Variants in ORC2 observed in about 807,000 individuals in gnomAD.
The protein encoded by ORC2 is origin recognition complex protein 2 homolog.
A neutral mutation model predicts 77.7 loss-of-function variants in ORC2; 37 were observed. The ratio of observed to expected loss-of-function variants is 0.48; its 90% CI spans 0.37 to 0.63. The LOEUF is 0.63. Among genes scored for constraint, ORC2 ranks in the 20% least tolerant of loss-of-function variants. The pLI is 0.00. For missense variants in ORC2, 557 were observed against 661.9 expected (o/e 0.84, Z 1.74); for synonymous variants, 201 against 229.5 (o/e 0.88, Z 1.12).
At chr2:200,923,253 A>G (rs770864655) in intron 13 of ORC2, among the ~76,000 whole-genome samples, 8 of 151,924 alleles carry the variant, frequency 5.3e-5, no homozygotes, top group Non-Finnish European at 1.2e-4. Flanking sequence ...ATTTTTATTT[A>G]TTTACTCTTT....
intron 5 of ORC2, among the ~76,000 whole-genome samples, chr2:200,947,202 A>G (rs1249584742): frequency 6.6e-6 from 1 of 152,166 alleles, no homozygotes; most frequent in Admixed American, 6.5e-5. Flanking sequence ...GCGACCAACC[A>G]AAAAAACTTA....
intron 13 of ORC2, chr2:200,921,386 C>T (rs563563649): frequency 4.2e-6 from 1 of 240,686 alleles, no homozygotes; most frequent in African/African-American, 2.2e-5. Flanking sequence ...AACTCCTGGA[C>T]TCAACTTGGC....
At chr2:200,925,788 A>G (rs572175724) in intron 13 of ORC2, 48 bp downstream of exon 13, 9 of 782,442 alleles carry the variant, frequency 1.2e-5, no homozygotes, top group Admixed American at 2.0e-5. Flanking sequence ...AAGTAGAAGT[A>G]TATGCTTAAC....
intron 1 of ORC2, among the ~76,000 whole-genome samples, chr2:200,962,193 CAAAA>C (rs1454869940): frequency 6.6e-6 from 1 of 152,062 alleles, no homozygotes; most frequent in African/African-American, 2.4e-5. Context: ...AACAAACGAA[CAAAA>C]AAACCTAACA....
intron 2 of ORC2, among the ~76,000 whole-genome samples, chr2:200,958,601 C>G (rs929938899): frequency 6.6e-6 from 1 of 152,210 alleles, no homozygotes; most frequent in Non-Finnish European, 1.5e-5. Flanking sequence ...TTAAACTTCA[C>G]TTGTGTCCTA....
intron 1 of ORC2, among the ~76,000 whole-genome samples, chr2:200,960,226 C>T (rs1416641641): frequency 6.6e-6 from 1 of 152,080 alleles, no homozygotes; most frequent in African/African-American, 2.4e-5. Flanking sequence ...GATCTACCCA[C>T]CTCTACCTCC....
At chr2:200,912,263 C>G (rs2124922086) in intron 17 of ORC2, among the ~76,000 whole-genome samples, 1 of 152,306 alleles carries the variant, frequency 6.6e-6, no homozygotes, top group Non-Finnish European at 1.5e-5. Flanking sequence ...CTCTCCAACC[C>G]ATATCTTTCC....
chr2:200,917,386 A>G (rs1357499385), intron 15 of ORC2, among the ~76,000 whole-genome samples: 2 of 152,092 alleles, frequency 1.3e-5, no homozygotes, highest in Non-Finnish European at 2.9e-5. Context: ...TCCTGGCCTC[A>G]TGCAATCTTC....
intron 6 of ORC2, among the ~76,000 whole-genome samples, 172 bp downstream of exon 6, chr2:200,942,513 A>C (rs1054309015): frequency 2.0e-5 from 3 of 152,230 alleles, no homozygotes; most frequent in Non-Finnish European, 4.4e-5. Context: ...ACTGACTGCT[A>C]AACACGGGTA....
At chr2:200,949,877 C>T (rs1254997403) in intron 4 of ORC2, among the ~76,000 whole-genome samples, 1 of 152,022 alleles carries the variant, frequency 6.6e-6, no homozygotes, top group East Asian at 1.9e-4. Context: ...AAATACAAAA[C>T]CATAGCAAAA....
chr2:200,911,425 T>A (rs1406938153), intron 17 of ORC2, 38 bp from the exon 18 acceptor site: 1 of 1,143,984 alleles, frequency 8.7e-7, no homozygotes, highest in South Asian at 1.2e-5. Context: ...TAGTCATTCA[T>A]AAGAGGTATA....
Position 200,941,259 on chromosome 2 carries a change from C to G in ORC2, c.442G>C (p.Val148Leu), listed in dbSNP as rs1472654268. ...AGTCAATTGCTTACCTTCGGTTGAA[C>G]CTTGTCTGAAGCAGAATGGCCTAAA... is the stretch of plus-strand genomic sequence containing the variant. ...SSKGHSASDK[V>L]QPKNNDKSEF... The change falls in exon 7 of 18, where the codon GTT becomes CTT. Residue 148 changes from valine (V) to leucine (L), a missense_variant. Val to Leu is a conservative substitution (Grantham distance 32). Coordinates refer to ENST00000234296, the MANE Select transcript of ORC2 (RefSeq NM_006190.5). 1.9e-6 allele frequency: 3 copies of G among 1,610,380 alleles called. No homozygotes were observed. Among genetic ancestry groups the G allele is most frequent in the South Asian group, 2.2e-5 (2 of 90,586 alleles).
chr2:200,911,258 G>A lies in ORC2; in HGVS notation c.*43C>T. The A allele has an allele frequency of 8.9e-7, 1 of 1,125,414 alleles. No homozygotes were observed. The highest frequency in any genetic ancestry group is 2.3e-5 in the East Asian group (1 of 42,616). 69.7% of individuals were successfully genotyped at this position (1,125,414 alleles called of 1,614,324 possible). A position where few individuals can be genotyped will look rare whatever the true frequency, so the allele number is the denominator to read the frequency against. On this transcript the variant is annotated 3_prime_UTR_variant, in exon 18 of 18. Transcript: ENST00000234296. ...CTTTCAACTAGAGGAGTGGCAGCTG[G>A]GGTACAACCCTTCCATGGGAGATTC...
intron 5 of ORC2, among the ~76,000 whole-genome samples, chr2:200,943,712 C>T (rs139986782): frequency 8.2e-4 from 125 of 152,198 alleles, no homozygotes; most frequent in Middle Eastern, 3.4e-3. Flanking sequence ...AGTCTTGAAA[C>T]TGACCCAAAA....
chr2:200,949,786 T>C (rs2041318172), intron 4 of ORC2, 143 bp from the exon 5 acceptor site: 1 of 457,674 alleles, frequency 2.2e-6, no homozygotes, highest in East Asian at 3.7e-5. Flanking sequence ...TATTTGGAAA[T>C]ACATAGTAAA....
chr2:200,913,722 T>A (rs1293029962), intron 16 of ORC2: 21 of 1,364,218 alleles, frequency 1.5e-5, no homozygotes, highest in Non-Finnish European at 2.0e-5. Context: ...TAAGCTGGGT[T>A]TGTCTTTCAA....
At chr2:200,949,698 A>G in intron 4 of ORC2, 55 bp from the exon 5 acceptor site, 1 of 1,044,842 alleles carries the variant, frequency 9.6e-7, no homozygotes, top group Non-Finnish European at 1.4e-6. Flanking sequence ...ATTAACAGAA[A>G]AAAATTTTAA....
rs1249185758 is a variant in ORC2, at chr2:200,913,356, T to A, written c.1586A>T (p.Asp529Val). Reference protein sequence around the residue: ...QCREAFLVNSDLTLRAQLTEF... With the variant: ...QCREAFLVNSVLTLRAQLTEF... Reference sequence around the variant, plus strand: ...AGTTAACTGGGCCCGGAGTGTCAGATCACTATTGACGAGGAATGCCTCCCG... The same window carrying A: ...AGTTAACTGGGCCCGGAGTGTCAGAACACTATTGACGAGGAATGCCTCCCG... Residue 529 changes from aspartate (D) to valine (V), a missense_variant, in exon 17 of 18, where the codon GAT becomes GTT. Coordinates refer to ENST00000234296, the MANE Select transcript of ORC2 (RefSeq NM_006190.5). 1 of 1,601,700 alleles carries A rather than the reference T, an allele frequency of 6.2e-7. No individual in the cohort carries two copies. Among genetic ancestry groups the A allele is most frequent in the Non-Finnish European group, 8.5e-7 (1 of 1,171,844 alleles).
At chr2:200,921,455 T>C (rs1378508282) in intron 13 of ORC2, 1 of 172,052 alleles carries the variant, frequency 5.8e-6, no homozygotes, top group Non-Finnish European at 1.2e-5. Context: ...ATTATTATTT[T>C]TAGTGATATT....
Sources: gnomAD v4.1 joint callset for allele counts (sites outside exome capture counted in the v4.1 genomes callset) on GRCh38, gnomAD v4.1.1 for gene constraint, MANE v1.5 for transcripts, NCBI Gene and HGNC (gene_info 2026-07-23, HGNC 2026-07-21) for gene names.